Variants in CENPS observed in about 807,000 individuals in gnomAD.
CENPS encodes FANCM associated histone fold protein 1.
Under a neutral mutation model 17.9 loss-of-function variants are expected in CENPS, and 16 were observed. The observed-to-expected ratio is 0.90, with a 90% CI of 0.61 to 1.36. CENPS has a LOEUF of 1.36. CENPS is among the 40% of genes most tolerant of loss of function. The pLI is 0.00. For synonymous variants in CENPS, 49 were observed against 55.8 expected (o/e 0.88, Z 0.54); for missense variants, 160 against 158.6 (o/e 1.01, Z -0.05).
At chr1:10,438,079 A>G (rs1386244918) in intron 3 of CENPS, among the ~76,000 whole-genome samples, 1 of 151,656 alleles carries the variant, frequency 6.6e-6, no homozygotes, top group African/African-American at 2.4e-5. Context: ...ACACAATTAA[A>G]TTCTAAATAA....
In CENPS at chr1:10,434,761, A is replaced by G. The variant is rs369523371; in HGVS notation, c.209+71A>G. On this transcript the variant is annotated intron_variant, in intron 3 of 4. Transcript: ENST00000309048. ...TTGGGGCCTCTCCATCTGGTGGGTT[A>G]TTTCAGGAGAGCTTTAGCTATTCAG... is the stretch of plus-strand genomic sequence containing the variant. 2.6e-6 allele frequency: 4 copies of G among 1,525,258 alleles called. No individual in the cohort carries two copies. In the African/African-American group the frequency reaches 4.3e-5, roughly 16 times the overall value. The allele number at this position is 1,525,258 out of a possible 1,614,324, so 94.5% of individuals were successfully genotyped here. A position where few individuals can be genotyped will look rare whatever the true frequency, so the allele number is the denominator to read the frequency against.
intron 2 of CENPS, among the ~76,000 whole-genome samples, chr1:10,434,329 C>G (rs369351068): frequency 6.6e-6 from 1 of 152,120 alleles, no homozygotes; most frequent in Non-Finnish European, 1.5e-5. Context: ...TGCTTGACTT[C>G]AGAGGGGAAA....
intron 2 of CENPS, 39 bp downstream of exon 2, chr1:10,434,004 C>T (rs1002919450): frequency 6.2e-7 from 1 of 1,612,464 alleles, no homozygotes. Flanking sequence ...TCTGTAAACC[C>T]CAAAGGTTGA....
chr1:10,439,522 A>G (rs1640316654), intron 3 of CENPS, among the ~76,000 whole-genome samples: 1 of 152,064 alleles, frequency 6.6e-6, no homozygotes, highest in South Asian at 2.1e-4. Flanking sequence ...CAGCTGGATC[A>G]TGAGGTGAGG....
At chr1:10,441,460 G>A (rs1640406309) in intron 4 of CENPS, among the ~76,000 whole-genome samples, 1 of 150,830 alleles carries the variant, frequency 6.6e-6, no homozygotes, top group African/African-American at 2.4e-5. Flanking sequence ...GACTACAGGT[G>A]CATGCCACCA....
intron 2 of CENPS, 54 bp from the exon 3 acceptor site, chr1:10,434,600 GCTT>G: frequency 6.3e-7 from 1 of 1,598,948 alleles, no homozygotes; most frequent in Non-Finnish European, 8.5e-7. Context: ...CACTTTTTCT[GCTT>G]CTGAAATTAG....
Position 10,430,854 on chromosome 1 carries a change from A to G in CENPS, c.51+286A>G, listed in dbSNP as rs1248904930. The G allele has an allele frequency of 3.0e-6, 4 of 1,318,286 alleles. No homozygotes were observed. The African/African-American group carries it at 4.7e-5, about 15-fold the overall frequency. 81.7% of individuals were successfully genotyped at this position (1,318,286 alleles called of 1,614,324 possible). A position where few individuals can be genotyped will look rare whatever the true frequency, so the allele number is the denominator to read the frequency against. ...AGGCCACCTTCTGGCCTTGCGATGA[A>G]TCCTCGGTTTCCCCTTCTCAGATGG... On this transcript the variant is annotated intron_variant, in intron 1 of 4. Coordinates refer to ENST00000309048, the MANE Select transcript of CENPS (RefSeq NM_199294.3).
At position 10,442,467 on chromosome 1, in the gene CENPS, G is replaced by C. The variant is rs1251507852; in HGVS notation, c.*62G>C. On this transcript the variant is annotated 3_prime_UTR_variant, in exon 5 of 5. Coordinates refer to ENST00000309048, the MANE Select transcript of CENPS (RefSeq NM_199294.3). ...GTAGAGCCACCTAGAAATGCATATG[G>C]CTGCAAAGGAAACTTTGAAGGGTTA... The C allele has an allele frequency of 9.6e-6, 14 of 1,451,736 alleles. No homozygotes were observed. Among genetic ancestry groups the C allele is most frequent in the Non-Finnish European group, 1.3e-5 (14 of 1,104,820 alleles). 89.9% of individuals were successfully genotyped at this position (1,451,736 alleles called of 1,614,324 possible).
Position 10,442,581 on chromosome 1 carries a change from T to A in CENPS, c.*176T>A. 8.7e-7 allele frequency: 1 copy of A among 1,143,868 alleles called. No homozygotes were observed. Among genetic ancestry groups the A allele is most frequent in the Non-Finnish European group, 1.1e-6 (1 of 893,498 alleles). 70.9% of individuals were successfully genotyped at this position (1,143,868 alleles called of 1,614,324 possible). On this transcript the variant is annotated 3_prime_UTR_variant, in exon 5 of 5. Transcript: ENST00000309048. ...CACATTGTTAACTGCCAAAGCTAGT[T>A]TTAGAGAATGAGAAAGTCTTAAGCA...
rs775229687 is a variant in CENPS at position 10,433,957 on chromosome 1, G to C, written c.167G>C (p.Arg56Pro). Residue 56 changes from arginine to proline, a missense_variant, in exon 2 of 5, where the codon CGA becomes CCA. Physicochemically the swap from Arg to Pro is moderately radical, Grantham distance 103. Transcript: ENST00000309048. ...TIAAISELTFRQCENFAKDLE... is the reference protein window; with the variant it reads ...TIAAISELTFPQCENFAKDLE... ...GCGGCCATTTCGGAGCTGACTTTCC[G>C]ACAGTGTGGTATGAAGCTTCGGCCT... 1 of 1,614,112 alleles carries C rather than the reference G, an allele frequency of 6.2e-7. No homozygotes were observed. Among genetic ancestry groups the C allele is most frequent in the South Asian group, 1.1e-5 (1 of 91,062 alleles).
chr1:10,431,681 C>T (rs540854283), intron 1 of CENPS, among the ~76,000 whole-genome samples: 2 of 151,902 alleles, frequency 1.3e-5, no homozygotes, highest in Non-Finnish European at 2.9e-5. Context: ...CATGGAAACC[C>T]CCTCTCAACT....
At chr1:10,432,803 G>A (rs940657426) in intron 1 of CENPS, among the ~76,000 whole-genome samples, 2 of 152,198 alleles carry the variant, frequency 1.3e-5, no homozygotes, top group African/African-American at 2.4e-5. Context: ...GCTGAGGCAG[G>A]AGGTTCACTT....
At chr1:10,431,541 T>A in intron 1 of CENPS, 1 of 1,139,530 alleles carries the variant, frequency 8.8e-7, no homozygotes. Flanking sequence ...ACATTTTAAT[T>A]CTTTAGTACA....
At chr1:10,441,158 G>A (rs1438255020) in intron 4 of CENPS, among the ~76,000 whole-genome samples, 2 of 151,968 alleles carry the variant, frequency 1.3e-5, no homozygotes, top group African/African-American at 2.4e-5. Flanking sequence ...ACTATTTTAC[G>A]TATATTATTT....
chr1:10,433,185 G>T (rs1244776128), intron 1 of CENPS, among the ~76,000 whole-genome samples: 1 of 152,138 alleles, frequency 6.6e-6, no homozygotes, highest in East Asian at 1.9e-4. Context: ...AGCTTGTCTT[G>T]CAATTGAGGC....
Position 10,433,836 on chromosome 1 carries a change from C to T in CENPS, c.52-6C>T. 6.2e-7 allele frequency: 1 copy of T among 1,613,820 alleles called. No individual in the cohort carries two copies. Among genetic ancestry groups the T allele is most frequent in the Non-Finnish European group, 8.5e-7 (1 of 1,179,880 alleles). ...ACCCGTGAAATATTTTGATGTTTTT[C>T]CCCAGAGGCTAAAGGCAGCAGTTCA... On this transcript the variant is annotated splice_polypyrimidine_tract_variant and splice_region_variant and intron_variant, in intron 1 of 4. Transcript: ENST00000309048.
intron 3 of CENPS, among the ~76,000 whole-genome samples, chr1:10,438,968 T>C (rs1325296515): frequency 6.6e-6 from 1 of 152,026 alleles, no homozygotes; most frequent in Non-Finnish European, 1.5e-5. Flanking sequence ...CCTCATTCTT[T>C]GTGGCTGCTT....
At position 10,442,765 on chromosome 1, in the gene CENPS, C is replaced by A. The variant is rs1640469477; in HGVS notation, c.*360C>A. On this transcript the variant is annotated 3_prime_UTR_variant, in exon 5 of 5. Coordinates refer to ENST00000309048, the MANE Select transcript of CENPS (RefSeq NM_199294.3). ...TCATCTTTTGATGTAATTTTCTAGG[C>A]TAAATGGCAATCTCTGAAAGATGAA... is the stretch of plus-strand genomic sequence containing the variant. 5.6e-6 allele frequency: 1 copy of A among 178,400 alleles called. No homozygotes were observed. Among genetic ancestry groups the A allele is most frequent in the Admixed American group, 6.3e-5 (1 of 16,000 alleles). 11.1% of individuals were successfully genotyped at this position (178,400 alleles called of 1,614,324 possible). A position where few individuals can be genotyped will look rare whatever the true frequency, so the allele number is the denominator to read the frequency against.
chr1:10,439,766 G>A (rs1233901369), intron 3 of CENPS, among the ~76,000 whole-genome samples: 1 of 151,908 alleles, frequency 6.6e-6, no homozygotes, highest in African/African-American at 2.4e-5. Context: ...AAAGAAGGAT[G>A]TTCTTTGTTC....
Sources: allele counts gnomAD v4.1 joint callset (sites outside exome capture counted in the v4.1 genomes callset), GRCh38; gene constraint gnomAD v4.1.1; transcripts MANE v1.5; gene names NCBI Gene and HGNC (gene_info 2026-07-23, HGNC 2026-07-21).